CDKAL1: variants seen among roughly 807,000 people sequenced by gnomAD.
CDKAL1 encodes CDKAL1 threonylcarbamoyladenosine tRNA methylthiotransferase.
Under a neutral mutation model 68.2 loss-of-function variants are expected in CDKAL1, and 32 were observed. The ratio of observed to expected loss-of-function variants is 0.47; its 90% CI spans 0.35 to 0.63. The LOEUF (loss-of-function observed/expected upper bound fraction) is 0.63. CDKAL1 is among the 30% of genes least tolerant of loss of function. CDKAL1 has a pLI of 0.00. For synonymous variants in CDKAL1, 234 were observed against 244.3 expected (o/e 0.96, Z 0.39); for missense variants, 606 against 696.7 (o/e 0.87, Z 1.47).
chr6:20,810,882 A>T lies in CDKAL1; in HGVS notation c.638+29617A>T, dbSNP rs190061378. 1.8e-4 allele frequency among the ~76,000 whole-genome samples: 27 copies of T among 152,032 alleles called. No individual in the cohort carries two copies. In the East Asian group the frequency reaches 3.5e-3, roughly 20 times the overall value. On this transcript the variant is annotated intron_variant, in intron 8 of 15. Coordinates refer to ENST00000274695, the MANE Select transcript of CDKAL1 (RefSeq NM_017774.3). ...ACCCACCCTACCCCCAGTATTTACA[A>T]TTCTTTGTTTTGAATTAGGACCCAA...
At chr6:20,597,995 G>A (rs1313766150) in intron 4 of CDKAL1, among the ~76,000 whole-genome samples, 1 of 152,166 alleles carries the variant, frequency 6.6e-6, no homozygotes, top group East Asian at 1.9e-4. Context: ...TGAGTGCTGA[G>A]CCAACATTTT....
intron 4 of CDKAL1, among the ~76,000 whole-genome samples, chr6:20,573,263 G>A (rs1486242358): frequency 1.3e-5 from 2 of 152,106 alleles, no homozygotes; most frequent in Non-Finnish European, 2.9e-5. Flanking sequence ...TGTTATTTAT[G>A]TATTAAGAAT....
intron 12 of CDKAL1, among the ~76,000 whole-genome samples, chr6:21,091,744 C>G (rs992983509): frequency 8.6e-5 from 13 of 151,934 alleles, no homozygotes; most frequent in Non-Finnish European, 1.8e-4. Flanking sequence ...GAAACCTGAT[C>G]AGTTCAATAC....
chr6:21,133,118 G>T (rs145160433), intron 13 of CDKAL1, among the ~76,000 whole-genome samples: 2 of 152,252 alleles, frequency 1.3e-5, no homozygotes, highest in African/African-American at 4.8e-5. Flanking sequence ...AGGCTGCAAA[G>T]TAACACTAAA....
chr6:20,738,485 G>GTTTTTTT (rs71712438), intron 5 of CDKAL1, among the ~76,000 whole-genome samples: 1 of 119,648 alleles, frequency 8.4e-6, no homozygotes, highest in Non-Finnish European at 1.7e-5. Flanking sequence ...CTACTTCTTA[G>GTTTTTTT]TTTTTTTTTT....
intron 13 of CDKAL1, among the ~76,000 whole-genome samples, chr6:21,125,443 C>T (rs1294285538): frequency 6.6e-6 from 1 of 152,074 alleles, no homozygotes; most frequent in East Asian, 1.9e-4. Context: ...GAGGCCAAGG[C>T]GGGTGGATCA....
In CDKAL1 at chr6:20,751,453, C is replaced by G. The variant is rs1218701189; in HGVS notation, c.469-7142C>G. On this transcript the variant is annotated intron_variant, in intron 6 of 15. Coordinates refer to ENST00000274695, the MANE Select transcript of CDKAL1 (RefSeq NM_017774.3). Reference sequence around the variant, plus strand: ...CCACATTTGAAGTCTGTAATAACCACATGTGGCTAGTGACTATCATAGTGG... The same window carrying G: ...CCACATTTGAAGTCTGTAATAACCAGATGTGGCTAGTGACTATCATAGTGG... Among the ~76,000 whole-genome samples the G allele has an allele frequency of 2.6e-5, 4 of 152,332 alleles. No homozygotes were observed. In the East Asian group the frequency reaches 5.8e-4, roughly 22 times the overall value.
At chr6:21,136,859 A>T (rs758042607) in intron 13 of CDKAL1, among the ~76,000 whole-genome samples, 33 of 152,282 alleles carry the variant, frequency 2.2e-4, no homozygotes, top group Non-Finnish European at 4.0e-4. Flanking sequence ...CTGAACTCTG[A>T]TGTGTTATTT....
At chr6:20,932,565 T>C (rs929706630) in intron 9 of CDKAL1, among the ~76,000 whole-genome samples, 4 of 152,198 alleles carry the variant, frequency 2.6e-5, no homozygotes, top group African/African-American at 9.7e-5. Flanking sequence ...CCTCCTTAGA[T>C]TTCTGTTAAT....
chr6:20,930,427 A>G (rs763195795), intron 9 of CDKAL1, among the ~76,000 whole-genome samples: 7 of 152,190 alleles, frequency 4.6e-5, no homozygotes, highest in African/African-American at 7.2e-5. Context: ...CTATGCCACA[A>G]TTATCCTTTT....
intron 4 of CDKAL1, among the ~76,000 whole-genome samples, chr6:20,624,849 C>A (rs1427305046): frequency 6.6e-6 from 1 of 152,028 alleles, no homozygotes; most frequent in Non-Finnish European, 1.5e-5. Flanking sequence ...TTCACATCAA[C>A]AACTGGAATT....
At position 20,739,539 on chromosome 6, in the gene CDKAL1, A is replaced by G; in HGVS notation, c.392A>G (p.Lys131Arg). Residue 131 changes from lysine (K) to arginine (R), a missense_variant, in exon 6 of 16, where the codon AAG becomes AGG. Lys to Arg is a conservative substitution (Grantham distance 26). Transcript: ENST00000274695. ...TTTAGAAAAGCTCAAGAGGAGAACAAGAAAATCGTACTGGCTGGATGCGTT... is the reference window on the plus strand; with the variant it reads ...TTTAGAAAAGCTCAAGAGGAGAACAGGAAAATCGTACTGGCTGGATGCGTT... ...NSIKKAQEENKKIVLAGCVPQ... is the reference protein window; with the variant it reads ...NSIKKAQEENRKIVLAGCVPQ... 1 of 1,612,196 alleles carries G rather than the reference A, an allele frequency of 6.2e-7. No individual in the cohort carries two copies.
intron 5 of CDKAL1, among the ~76,000 whole-genome samples, chr6:20,702,723 C>T (rs1240582622): frequency 3.3e-5 from 5 of 152,086 alleles, no homozygotes; most frequent in African/African-American, 4.8e-5. Context: ...GCTAGGGTCT[C>T]GGGGTTTTTA....
At chr6:20,744,879 T>C (rs2150331257) in intron 6 of CDKAL1, among the ~76,000 whole-genome samples, 1 of 152,354 alleles carries the variant, frequency 6.6e-6, no homozygotes, top group South Asian at 2.1e-4. Flanking sequence ...TTGGTCTTGG[T>C]GTTAATTCAT....
At chr6:20,743,590 G>T (rs149846357) in intron 6 of CDKAL1, among the ~76,000 whole-genome samples, 33 of 152,252 alleles carry the variant, frequency 2.2e-4, no homozygotes, top group African/African-American at 7.9e-4. Flanking sequence ...AGGCAGTGTG[G>T]TGAGAACACA....
At chr6:21,139,337 A>G (rs778997865) in intron 13 of CDKAL1, among the ~76,000 whole-genome samples, 4 of 152,198 alleles carry the variant, frequency 2.6e-5, no homozygotes, top group Non-Finnish European at 5.9e-5. Flanking sequence ...AAAATGCACA[A>G]TGTCATCAAG....
rs1320795458 is a variant in CDKAL1, at chr6:20,974,071, TTC to T, written c.909+18492_909+18493del. 3.3e-5 allele frequency among the ~76,000 whole-genome samples: 5 copies of T among 152,238 alleles called. No homozygotes were observed. The South Asian group carries it at 6.2e-4, about 19-fold the overall frequency. On this transcript the variant is annotated intron_variant, in intron 10 of 15. Coordinates refer to ENST00000274695, the MANE Select transcript of CDKAL1 (RefSeq NM_017774.3). ...AATATGGTGGCTTATAGAAGTTTAC[TTC>T]TCTCTTTCACAGTCCACAGATGGGT...
chr6:20,586,989 T>TG (rs554190538), intron 4 of CDKAL1, among the ~76,000 whole-genome samples: 7,011 of 141,934 alleles, frequency 0.049, 205 homozygotes, highest in Middle Eastern at 0.076. Flanking sequence ...TTTTTTTTTT[T>TG]TTTTTTTTTT....
chr6:20,579,540 T>A (rs1765056139), intron 4 of CDKAL1, among the ~76,000 whole-genome samples: 1 of 152,218 alleles, frequency 6.6e-6, no homozygotes, highest in South Asian at 2.1e-4. Flanking sequence ...ATATTAATTC[T>A]CAAAACTCTG....
Sources: gnomAD v4.1 joint callset for allele counts (sites outside exome capture counted in the v4.1 genomes callset) on GRCh38, gnomAD v4.1.1 for gene constraint, MANE v1.5 for transcripts, NCBI Gene and HGNC (gene_info 2026-07-23, HGNC 2026-07-21) for gene names.